Variants in SEM1 observed in about 807,000 individuals in gnomAD.
The protein encoded by SEM1 is 26S proteasome complex subunit SEM1.
SEM1 carries 3 observed loss-of-function variants against 12.7 expected under a neutral mutation model. That is an observed-to-expected ratio of 0.24 (90% confidence interval 0.11 to 0.61). SEM1 has a LOEUF of 0.61. Among genes scored for constraint, SEM1 ranks in the 20% least tolerant of loss-of-function variants. SEM1 has a pLI of 0.88. For synonymous variants in SEM1, 30 were observed against 27.8 expected (o/e 1.08, Z -0.25); for missense variants, 59 against 81.3 (o/e 0.73, Z 1.06).
intron 2 of SEM1, among the ~76,000 whole-genome samples, chr7:96,660,627 A>G (rs887674544): frequency 6.6e-6 from 1 of 152,154 alleles, no homozygotes; most frequent in Non-Finnish European, 1.5e-5. Context: ...TTTCTATCTT[A>G]CTATCTCAAT....
intron 2 of SEM1, among the ~76,000 whole-genome samples, chr7:96,545,182 C>A (rs1805069127): frequency 6.6e-6 from 1 of 151,844 alleles, no homozygotes. Flanking sequence ...GTTATGATCC[C>A]AAAGAAAATC....
chr7:96,684,829 G>C (rs1375406454), downstream of SEM1, among the ~76,000 whole-genome samples: 1 of 152,060 alleles, frequency 6.6e-6, no homozygotes, highest in Non-Finnish European at 1.5e-5. Flanking sequence ...GTCAAAACAG[G>C]AGATTTGGAA....
intron 2 of SEM1, among the ~76,000 whole-genome samples, chr7:96,635,583 G>A (rs1244079693): frequency 6.6e-6 from 1 of 152,120 alleles, no homozygotes; most frequent in Admixed American, 6.6e-5. Flanking sequence ...AAGTAGTTCA[G>A]GGAAGGGGTA....
intron 2 of SEM1, among the ~76,000 whole-genome samples, chr7:96,597,214 G>C (rs1372729093): frequency 6.6e-6 from 1 of 152,146 alleles, no homozygotes; most frequent in African/African-American, 2.4e-5. Context: ...TAGAAATGCT[G>C]TATATGTCTT....
chr7:96,538,398 G>A (rs562284247), intron 2 of SEM1, among the ~76,000 whole-genome samples: 19 of 151,870 alleles, frequency 1.3e-4, no homozygotes, highest in African/African-American at 4.3e-4. Flanking sequence ...TATTGTGTTG[G>A]GTAATAGGAG....
At chr7:96,533,113 G>A (rs1384748415) in intron 2 of SEM1, among the ~76,000 whole-genome samples, 1 of 151,998 alleles carries the variant, frequency 6.6e-6, no homozygotes, top group Non-Finnish European at 1.5e-5. Flanking sequence ...CACAAAACAA[G>A]CTGAACCCCA....
chr7:96,651,252 C>A (rs1427579877), intron 2 of SEM1, among the ~76,000 whole-genome samples: 2 of 152,046 alleles, frequency 1.3e-5, no homozygotes, highest in Non-Finnish European at 1.5e-5. Context: ...CTTCAAGATT[C>A]CAATTAAAAA....
intron 2 of SEM1, chr7:96,650,341 G>A: frequency 1.9e-6 from 1 of 527,582 alleles, no homozygotes; most frequent in Non-Finnish European, 3.4e-6. Context: ...TTTGTCTTGT[G>A]AGTTGATGAG....
chr7:96,560,311 GT>G (rs1362155514), intron 2 of SEM1, among the ~76,000 whole-genome samples: 1 of 152,076 alleles, frequency 6.6e-6, no homozygotes, highest in Non-Finnish European at 1.5e-5. Context: ...GTATATTAGA[GT>G]ACCATTTATT....
At chr7:96,505,678 G>A (rs373382259) in intron 3 of SEM1, among the ~76,000 whole-genome samples, 1 of 152,098 alleles carries the variant, frequency 6.6e-6, no homozygotes, top group African/African-American at 2.4e-5. Flanking sequence ...CAAGACGAGA[G>A]TATCAGAAAA....
At chr7:96,565,919 G>C (rs1347988934) in intron 2 of SEM1, among the ~76,000 whole-genome samples, 1 of 151,756 alleles carries the variant, frequency 6.6e-6, no homozygotes, top group African/African-American at 2.4e-5. Flanking sequence ...TGGATTCTCT[G>C]ATAAAAGCTT....
intron 2 of SEM1, among the ~76,000 whole-genome samples, chr7:96,604,134 A>G (rs1807274010): frequency 6.6e-6 from 1 of 152,246 alleles, no homozygotes; most frequent in South Asian, 2.1e-4. Flanking sequence ...GAATACATGC[A>G]TGAGAAGGCC....
intron 2 of SEM1, among the ~76,000 whole-genome samples, chr7:96,553,569 C>G (rs1256570869): frequency 1.3e-5 from 2 of 152,140 alleles, no homozygotes; most frequent in African/African-American, 4.8e-5. Context: ...TGTTTTGGTA[C>G]CAGTACCATG....
chr7:96,643,965 G>A (rs1808704925), intron 2 of SEM1, among the ~76,000 whole-genome samples: 1 of 152,078 alleles, frequency 6.6e-6, no homozygotes, highest in Admixed American at 6.6e-5. Context: ...AAGCCTGAGT[G>A]GAGCCTGCCC....
At chr7:96,660,796 T>A (rs1788979173) in intron 2 of SEM1, among the ~76,000 whole-genome samples, 1 of 152,126 alleles carries the variant, frequency 6.6e-6, no homozygotes, top group Non-Finnish European at 1.5e-5. Context: ...GGAATATTTA[T>A]GAAAACTGAC....
intron 2 of SEM1, among the ~76,000 whole-genome samples, chr7:96,577,800 T>C (rs567000653): frequency 1.1e-4 from 17 of 151,740 alleles, no homozygotes; most frequent in African/African-American, 1.7e-4. Context: ...GATCAAAATT[T>C]AAACTATCAT....
intron 2 of SEM1, among the ~76,000 whole-genome samples, chr7:96,632,403 G>A (rs1191423748): frequency 1.3e-5 from 2 of 152,240 alleles, no homozygotes; most frequent in African/African-American, 2.4e-5. Flanking sequence ...GTCCTTTGCA[G>A]GGACATGGAT....
In SEM1 at chr7:96,600,679, G is replaced by A. The variant is rs922926653; in HGVS notation, c.171-93981C>T. Among the ~76,000 whole-genome samples, 6 of 152,102 alleles carry A rather than the reference G, an allele frequency of 3.9e-5. No individual in the cohort carries two copies. In the South Asian group the frequency reaches 8.3e-4, roughly 21 times the overall value. ...CGTTGAATGTAAAACATGATTTAAA[G>A]CAACGGTAATGACATCCTGACAGGT... On this transcript the variant is annotated intron_variant and NMD_transcript_variant, in intron 2 of 3. Transcript: ENST00000466986.
chr7:96,518,037 A>G lies in SEM1; in HGVS notation c.171-11339T>C. Among the ~76,000 whole-genome samples, 3 of 152,298 alleles carry G rather than the reference A, an allele frequency of 2.0e-5. No homozygotes were observed. In the Middle Eastern group the frequency reaches 0.01, roughly 518 times the overall value. ...GATACAAGGACAATTATCATATAGG[A>G]TGGATATAGCATTTGAAATTAGAGA... On this transcript the variant is annotated intron_variant and NMD_transcript_variant, in intron 2 of 3. Transcript: ENST00000466986.
Sources: allele counts gnomAD v4.1 joint callset (sites outside exome capture counted in the v4.1 genomes callset), GRCh38; gene constraint gnomAD v4.1.1; transcripts MANE v1.5; gene names NCBI Gene and HGNC (gene_info 2026-07-23, HGNC 2026-07-21).